The following ZNF33A variants were observed in gnomAD, a reference collection of about 807,000 sequenced individuals.
ZNF33A encodes brain my041 protein.
Under a neutral mutation model 15.9 loss-of-function variants are expected in ZNF33A, and 9 were observed. The ratio of observed to expected loss-of-function variants is 0.57; its 90% CI spans 0.34 to 0.99. ZNF33A has a LOEUF of 0.99. Ranked by LOEUF, ZNF33A falls within the 50% of genes least tolerant of loss-of-function variation. The probability of loss-of-function intolerance (pLI) is 0.02; values close to 1 mark genes in which losing one functional copy is unlikely to be tolerated. For missense variants in ZNF33A, 843 were observed against 941.6 expected (o/e 0.90, Z 1.37); for synonymous variants, 294 against 324.2 (o/e 0.91, Z 1.00).
intron 4 of ZNF33A, among the ~76,000 whole-genome samples, chr10:38,029,927 A>G (rs913471062): frequency 3.3e-5 from 5 of 152,138 alleles, no homozygotes; most frequent in African/African-American, 9.7e-5. Context: ...GGAAAGAAAA[A>G]TTTTTTGAAG....
In ZNF33A at chr10:38,056,924, T is replaced by A; in HGVS notation, c.*364T>A. On this transcript the variant is annotated 3_prime_UTR_variant, in exon 5 of 5. Transcript: ENST00000432900. ...TGTGGAATGTAAAGCTTTAAGAACT[T>A]AAACAAAGGTAATAATTAAAATAAC... 1 of 951,888 alleles carries A rather than the reference T, an allele frequency of 1.1e-6. No homozygotes were observed. The highest frequency in any genetic ancestry group is 1.3e-6 in the Non-Finnish European group (1 of 796,156). The allele number at this position is 951,888 out of a possible 1,614,324, so 59.0% of individuals were successfully genotyped here.
chr10:38,010,661 C>G (rs1187035581), upstream of ZNF33A: 6 of 1,570,152 alleles, frequency 3.8e-6, no homozygotes, highest in East Asian at 1.1e-4. Context: ...GCCTCGTCCG[C>G]CGGCTACGTC....
chr10:38,064,997 G>C (rs563043394), downstream of ZNF33A: 1 of 151,828 alleles, frequency 6.6e-6, no homozygotes, highest in East Asian at 1.9e-4. Context: ...ACTCTGAATA[G>C]ATAGTGACTG....
In ZNF33A at chr10:38,054,363, G is replaced by C. The variant is rs776668903; in HGVS notation, c.251-12G>C. On this transcript the variant is annotated splice_polypyrimidine_tract_variant and intron_variant, in intron 4 of 4. Transcript: ENST00000432900. ...GTATTTATGTGGTAAGATTAATTTT[G>C]CTTGTTTCTAGAAGTCTGGACAGCT... is the stretch of plus-strand genomic sequence containing the variant. 6.6e-7 allele frequency: 1 copy of C among 1,516,204 alleles called. No individual in the cohort carries two copies. Among genetic ancestry groups the C allele is most frequent in the Non-Finnish European group, 8.8e-7 (1 of 1,138,546 alleles). The allele number at this position is 1,516,204 out of a possible 1,614,324, so 93.9% of individuals were successfully genotyped here. A position where few individuals can be genotyped will look rare whatever the true frequency, so the allele number is the denominator to read the frequency against.
chr10:38,047,435 T>A (rs57580433), intron 4 of ZNF33A, among the ~76,000 whole-genome samples: 1,666 of 150,988 alleles, frequency 0.011, 38 homozygotes, highest in African/African-American at 0.038. Context: ...CGAGACTATG[T>A]TGGCCAACAT....
intron 4 of ZNF33A, among the ~76,000 whole-genome samples, chr10:38,027,530 T>C (rs2065038547): frequency 6.6e-6 from 1 of 151,968 alleles, no homozygotes; most frequent in Non-Finnish European, 1.5e-5. Context: ...GCTATCTTTT[T>C]TTTTTTTTGG....
downstream of ZNF33A, among the ~76,000 whole-genome samples, chr10:38,063,207 G>A (rs1363312036): frequency 6.6e-6 from 1 of 152,086 alleles, no homozygotes. Context: ...GGTCCCACAG[G>A]TTCACATGGA....
chr10:38,010,892 T>G (rs967583003), intron 1 of ZNF33A, 109 bp downstream of exon 1: 1 of 1,376,986 alleles, frequency 7.3e-7, no homozygotes, highest in Middle Eastern at 2.3e-4. Context: ...GGGGACCTCA[T>G]AGGGGAAGGC....
upstream of ZNF33A, chr10:38,010,526 T>G: frequency 2.9e-6 from 2 of 678,818 alleles, no homozygotes; most frequent in Non-Finnish European, 5.3e-6. Flanking sequence ...TCAGACCGCA[T>G]CTGCCCACTG....
chr10:38,016,663 A>T (rs2064463501), intron 2 of ZNF33A, among the ~76,000 whole-genome samples: 1 of 152,198 alleles, frequency 6.6e-6, no homozygotes, highest in South Asian at 2.1e-4. Context: ...TAGTATTTCC[A>T]GCAGTGATGA....
At chr10:38,061,246 AG>A (rs1389016557), downstream of ZNF33A, among the ~76,000 whole-genome samples, 1 of 152,138 alleles carries the variant, frequency 6.6e-6, no homozygotes, top group East Asian at 1.9e-4. Context: ...TTGCCTAACA[AG>A]GCATTCAGGA....
chr10:38,065,407 G>T (rs2066700897), downstream of ZNF33A, among the ~76,000 whole-genome samples: 1 of 152,116 alleles, frequency 6.6e-6, no homozygotes, highest in Non-Finnish European at 1.5e-5. Context: ...TGTTTCATGT[G>T]GGGACTTGAT....
chr10:38,040,493 G>C (rs633400), intron 4 of ZNF33A, among the ~76,000 whole-genome samples: 133,425 of 152,190 alleles, frequency 0.88, 58,623 homozygotes, highest in South Asian at 0.94. Context: ...GTAGTACATA[G>C]GCTTAGAATT....
chr10:38,014,764 C>A (rs2135538306), intron 2 of ZNF33A, among the ~76,000 whole-genome samples: 1 of 152,350 alleles, frequency 6.6e-6, no homozygotes, highest in Admixed American at 6.5e-5. Flanking sequence ...TTTTCTTCAG[C>A]AAGATCCTGG....
At chr10:38,063,577 A>G (rs2066680957), downstream of ZNF33A, among the ~76,000 whole-genome samples, 1 of 152,256 alleles carries the variant, frequency 6.6e-6, no homozygotes, top group Non-Finnish European at 1.5e-5. Context: ...GTTTAAAGGG[A>G]GGATTACATG....
At position 38,047,777 on chromosome 10, in the gene ZNF33A, A is replaced by G. The variant is rs2066019777; in HGVS notation, c.251-6598A>G. On this transcript the variant is annotated intron_variant, in intron 4 of 4. Coordinates refer to ENST00000432900, the MANE Select transcript of ZNF33A (RefSeq NM_006954.2). Reference sequence around the variant, plus strand: ...AGAAAACAATATTTTGAGATGATGAAAAAATGTCCAAATGTGATGGGAACT... The same window carrying G: ...AGAAAACAATATTTTGAGATGATGAGAAAATGTCCAAATGTGATGGGAACT... 2.0e-5 allele frequency among the ~76,000 whole-genome samples: 3 copies of G among 152,120 alleles called. No homozygotes were observed. The South Asian group carries it at 6.2e-4, about 32-fold the overall frequency.
At chr10:38,053,079 T>A (rs574823414) in intron 4 of ZNF33A, among the ~76,000 whole-genome samples, 1 of 152,176 alleles carries the variant, frequency 6.6e-6, no homozygotes. Context: ...AATTATTGCT[T>A]CTTCTTTTTC....
At chr10:38,046,598 A>T (rs531403185) in intron 4 of ZNF33A, among the ~76,000 whole-genome samples, 8 of 152,302 alleles carry the variant, frequency 5.3e-5, no homozygotes, top group African/African-American at 1.9e-4. Context: ...AACCAAGTAA[A>T]ACTCTCAGTC....
chr10:38,057,959 G>T lies in ZNF33A; in HGVS notation c.*1399G>T, dbSNP rs1024318048. On this transcript the variant is annotated 3_prime_UTR_variant, in exon 5 of 5. Coordinates refer to ENST00000432900, the MANE Select transcript of ZNF33A (RefSeq NM_006954.2). The stretch of plus-strand genomic sequence containing the variant: ...GAGGGTTGAGGCTGGAGCAGAACCA[G>T]AATCAAGCTGGTGTGGGGCTTTTAT... The T allele has an allele frequency of 1.3e-5, 13 of 985,290 alleles. No homozygotes were observed. In the African/African-American group the frequency reaches 2.3e-4, roughly 17 times the overall value. The allele number at this position is 985,290 out of a possible 1,614,324, so 61.0% of individuals were successfully genotyped here. A position where few individuals can be genotyped will look rare whatever the true frequency, so the allele number is the denominator to read the frequency against.
Sources: allele counts gnomAD v4.1 joint callset (sites outside exome capture counted in the v4.1 genomes callset), GRCh38; gene constraint gnomAD v4.1.1; transcripts MANE v1.5; gene names NCBI Gene and HGNC (gene_info 2026-07-23, HGNC 2026-07-21).